UTRN: variants seen among roughly 807,000 people sequenced by gnomAD.
The protein encoded by UTRN is dystrophin-related protein 1.
Under a neutral mutation model 463.9 loss-of-function variants are expected in UTRN, and 283 were observed. The observed-to-expected ratio is 0.61, with a 90% CI of 0.55 to 0.67. UTRN has a LOEUF of 0.67. UTRN is among the 30% of genes least tolerant of loss of function. The pLI is 0.00. For synonymous variants in UTRN, 1,442 were observed against 1,431.5 expected (o/e 1.01, Z -0.17); for missense variants, 3,922 against 4,084.3 (o/e 0.96, Z 1.08).
chr6:144,616,179 C>T (rs34810766), intron 51 of UTRN, among the ~76,000 whole-genome samples: 21,707 of 152,160 alleles, frequency 0.14, 2,026 homozygotes, highest in South Asian at 0.31. Context: ...ATTAGATAAG[C>T]AGTGGGCCTT....
intron 51 of UTRN, among the ~76,000 whole-genome samples, chr6:144,608,251 G>C (rs1805089208): frequency 6.6e-6 from 1 of 152,196 alleles, no homozygotes; most frequent in African/African-American, 2.4e-5. Context: ...CCTACTAGCA[G>C]ATGGCCTTTG....
Position 144,448,668 on chromosome 6 carries a change from T to C in UTRN, c.1971T>C (p.Arg657=). 6.2e-7 allele frequency: 1 copy of C among 1,614,052 alleles called. No individual in the cohort carries two copies. Among genetic ancestry groups the C allele is most frequent in the Non-Finnish European group, 8.5e-7 (1 of 1,179,962 alleles). ...IPQKDLLETV[R]VREQAITKKS... ...AGAAGGACCTTTTGGAGACTGTTCG[T>C]GTAAGAGAACAAGCAATTACAAAAA... The change falls in exon 17 of 75, where the codon CGT becomes CGC. Residue 657 remains arginine, a synonymous_variant. Transcript: ENST00000367545.
At chr6:144,839,687 A>C (rs1361005471) in intron 72 of UTRN, among the ~76,000 whole-genome samples, 1 of 152,156 alleles carries the variant, frequency 6.6e-6, no homozygotes, top group Non-Finnish European at 1.5e-5. Context: ...GTGGAAACTC[A>C]TTTATTCACT....
intron 2 of UTRN, among the ~76,000 whole-genome samples, chr6:144,317,318 A>T (rs1775342850): frequency 6.6e-6 from 1 of 152,198 alleles, no homozygotes; most frequent in Admixed American, 6.5e-5. Context: ...AAATCATTTT[A>T]AAAAAAGAGA....
intron 2 of UTRN, among the ~76,000 whole-genome samples, chr6:144,375,198 C>A (rs1418732203): frequency 6.6e-6 from 1 of 152,070 alleles, no homozygotes; most frequent in African/African-American, 2.4e-5. Flanking sequence ...AGTTGGTTAT[C>A]TAGAATTAAC....
At chr6:144,425,562 G>A (rs1203794695) in intron 6 of UTRN, among the ~76,000 whole-genome samples, 1 of 151,910 alleles carries the variant, frequency 6.6e-6, no homozygotes, top group East Asian at 1.9e-4. Flanking sequence ...TACATTAGTT[G>A]GTGTTCTACT....
At chr6:144,310,824 G>T (rs1389899998) in intron 2 of UTRN, among the ~76,000 whole-genome samples, 1 of 152,210 alleles carries the variant, frequency 6.6e-6, no homozygotes, top group East Asian at 1.9e-4. Flanking sequence ...CAATCCCTGA[G>T]AAAAATATCA....
chr6:144,617,207 GCTGAAT>G (rs1309504432), intron 51 of UTRN, among the ~76,000 whole-genome samples: 1 of 152,056 alleles, frequency 6.6e-6, no homozygotes, highest in Non-Finnish European at 1.5e-5. Context: ...GCCTCTTTTG[GCTGAAT>G]TATATCCACC....
intron 51 of UTRN, among the ~76,000 whole-genome samples, chr6:144,648,422 A>T (rs1778492331): frequency 6.6e-6 from 1 of 152,210 alleles, no homozygotes; most frequent in Non-Finnish European, 1.5e-5. Flanking sequence ...TTAATGTTAA[A>T]ATTTAACTTT....
chr6:144,446,059 T>C (rs1584816782), intron 14 of UTRN, among the ~76,000 whole-genome samples: 1 of 152,126 alleles, frequency 6.6e-6, no homozygotes, highest in Non-Finnish European at 1.5e-5. Flanking sequence ...ATAGTAATAA[T>C]TGCAGTAGAA....
At chr6:144,740,724 C>G (rs1176491665) in intron 54 of UTRN, among the ~76,000 whole-genome samples, 2 of 152,154 alleles carry the variant, frequency 1.3e-5, no homozygotes, top group Non-Finnish European at 2.9e-5. Flanking sequence ...TGAGTAAGCC[C>G]ATCGATTGGG....
At chr6:144,801,690 G>A (rs1331798604) in intron 64 of UTRN, among the ~76,000 whole-genome samples, 1 of 152,146 alleles carries the variant, frequency 6.6e-6, no homozygotes, top group Non-Finnish European at 1.5e-5. Context: ...CTTAATAGTA[G>A]TTGCATAAAT....
At chr6:144,818,205 A>T (rs1253676260) in intron 65 of UTRN, among the ~76,000 whole-genome samples, 2 of 152,224 alleles carry the variant, frequency 1.3e-5, no homozygotes, top group African/African-American at 4.8e-5. Context: ...ATTTGTTTAT[A>T]TGAAATGTCC....
At chr6:144,400,315 G>A (rs903024135) in intron 2 of UTRN, among the ~76,000 whole-genome samples, 50 of 152,148 alleles carry the variant, frequency 3.3e-4, no homozygotes, top group African/African-American at 1.2e-3. Flanking sequence ...TTAAAATAAC[G>A]AATTGGCTTG....
At chr6:144,529,929 T>C (rs2128600902) in intron 41 of UTRN, among the ~76,000 whole-genome samples, 1 of 152,338 alleles carries the variant, frequency 6.6e-6, no homozygotes, top group African/African-American at 2.4e-5. Flanking sequence ...TTTATGCTTA[T>C]TTCATGTATC....
intron 53 of UTRN, among the ~76,000 whole-genome samples, chr6:144,726,269 C>T (rs1416816624): frequency 2.0e-5 from 3 of 152,202 alleles, no homozygotes; most frequent in African/African-American, 4.8e-5. Flanking sequence ...GCCTGACCTC[C>T]GCCCACACCT....
At chr6:144,410,347 T>C (rs759873459) in intron 3 of UTRN, among the ~76,000 whole-genome samples, 1 of 152,216 alleles carries the variant, frequency 6.6e-6, no homozygotes, top group Non-Finnish European at 1.5e-5. Context: ...TAAGCTATAT[T>C]GTTTCCTGAG....
At position 144,669,864 on chromosome 6, in the gene UTRN, A is replaced by G. The variant is rs912219424; in HGVS notation, c.7480-8542A>G. ...TGATTTTCCATTCCTGACTTACTTC[A>G]CTTAGAATAATGGTCTCCAACTCTA... On this transcript the variant is annotated intron_variant, in intron 51 of 74. Transcript: ENST00000367545. 3.9e-5 allele frequency among the ~76,000 whole-genome samples: 6 copies of G among 151,902 alleles called. No individual in the cohort carries two copies. The East Asian group carries it at 1.2e-3, about 29-fold the overall frequency.
intron 55 of UTRN, among the ~76,000 whole-genome samples, chr6:144,751,131 CAT>C (rs1166727647): frequency 3.3e-5 from 5 of 151,986 alleles, no homozygotes; most frequent in African/African-American, 1.2e-4. Context: ...TAAGTGGAAA[CAT>C]GTTAAAATCA....
Sources: gnomAD v4.1 joint callset for allele counts (sites outside exome capture counted in the v4.1 genomes callset) on GRCh38, gnomAD v4.1.1 for gene constraint, MANE v1.5 for transcripts, NCBI Gene and HGNC (gene_info 2026-07-23, HGNC 2026-07-21) for gene names.